The following SNX7 variants were observed in gnomAD, a reference collection of about 807,000 sequenced individuals.
SNX7 encodes the protein sorting nexin-7.
A neutral mutation model predicts 48.4 loss-of-function variants in SNX7; 35 were observed. The observed-to-expected ratio is 0.72, with a 90% CI of 0.55 to 0.96. The LOEUF (loss-of-function observed/expected upper bound fraction) is 0.96. Among genes scored for constraint, SNX7 ranks in the 40% least tolerant of loss-of-function variants. The probability of loss-of-function intolerance (pLI) is 0.00; values close to 1 mark genes in which losing one functional copy is unlikely to be tolerated. For synonymous variants in SNX7, 190 were observed against 190.2 expected (o/e 1.00, Z 0.01); for missense variants, 553 against 548.9 (o/e 1.01, Z -0.07).
intron 8 of SNX7, among the ~76,000 whole-genome samples, chr1:98,755,920 G>A: frequency 6.6e-6 from 1 of 151,978 alleles, no homozygotes; most frequent in East Asian, 1.9e-4. Context: ...AGACATTTGA[G>A]TAGGATTATT....
In SNX7 at chr1:98,759,412, T is replaced by C. The variant is rs76002867; in HGVS notation, c.1279-642T>C. Among the ~76,000 whole-genome samples the C allele has an allele frequency of 4.8e-3, 730 of 152,144 alleles. 41 individuals are homozygous for C. The East Asian group carries it at 0.12, about 25-fold the overall frequency. On this transcript the variant is annotated intron_variant, in intron 8 of 8. Transcript: ENST00000306121. ...AAATCAAATAGGCCACATTTATGTT[T>C]ATGTGTTCCCAGCGCCTTCAGACCC... is the stretch of plus-strand genomic sequence containing the variant.
At chr1:98,679,803 T>C (rs1271680020) in intron 1 of SNX7, among the ~76,000 whole-genome samples, 1 of 152,188 alleles carries the variant, frequency 6.6e-6, no homozygotes, top group African/African-American at 2.4e-5. Flanking sequence ...GCTCTGCCCC[T>C]GTGGCTTTGC....
intron 2 of SNX7, among the ~76,000 whole-genome samples, chr1:98,690,740 C>T (rs1184945326): frequency 6.6e-6 from 1 of 152,066 alleles, no homozygotes; most frequent in African/African-American, 2.4e-5. Context: ...TCAGAACACA[C>T]TTGCTTGTTA....
At chr1:98,735,426 C>T (rs1653724129) in intron 7 of SNX7, among the ~76,000 whole-genome samples, 1 of 151,994 alleles carries the variant, frequency 6.6e-6, no homozygotes, top group East Asian at 1.9e-4. Flanking sequence ...AAGAAGAAAA[C>T]TCTGATATAG....
chr1:98,719,961 A>G (rs115250324), intron 7 of SNX7, among the ~76,000 whole-genome samples: 1,585 of 150,818 alleles, frequency 0.011, 10 homozygotes, highest in Middle Eastern at 0.031. Context: ...ATATTTTAAT[A>G]ACTGTCCCAG....
chr1:98,704,081 A>G (rs1204814088), intron 7 of SNX7, among the ~76,000 whole-genome samples: 2 of 152,154 alleles, frequency 1.3e-5, no homozygotes, highest in African/African-American at 2.4e-5. Context: ...TTAAAAAAAA[A>G]AAACACATTA....
intron 7 of SNX7, among the ~76,000 whole-genome samples, chr1:98,736,234 G>T (rs1439439959): frequency 6.6e-6 from 1 of 152,170 alleles, no homozygotes; most frequent in Non-Finnish European, 1.5e-5. Context: ...AATTTAAACT[G>T]CAAAGCCTAA....
intron 8 of SNX7, among the ~76,000 whole-genome samples, chr1:98,755,876 C>T (rs894040516): frequency 6.6e-6 from 1 of 151,872 alleles, no homozygotes. Context: ...ATTCAGTTGG[C>T]AATCTGCATC....
At chr1:98,736,149 T>C (rs1183117691) in intron 7 of SNX7, among the ~76,000 whole-genome samples, 1 of 152,200 alleles carries the variant, frequency 6.6e-6, no homozygotes, top group Non-Finnish European at 1.5e-5. Context: ...ATAGACTATG[T>C]GATTTAGACA....
chr1:98,669,388 C>T (rs1194670911), intron 1 of SNX7, among the ~76,000 whole-genome samples: 2 of 152,130 alleles, frequency 1.3e-5, no homozygotes, highest in African/African-American at 2.4e-5. Flanking sequence ...ATATTCTGCC[C>T]CCATTCTATG....
At chr1:98,717,759 T>C (rs867424278) in intron 7 of SNX7, among the ~76,000 whole-genome samples, 2 of 152,080 alleles carry the variant, frequency 1.3e-5, no homozygotes, top group Admixed American at 6.6e-5. Flanking sequence ...GTTTCTTTCC[T>C]TAATGTATGT....
intron 2 of SNX7, among the ~76,000 whole-genome samples, chr1:98,688,244 TTTAGGAATAC>T (rs1408104879): frequency 6.6e-6 from 1 of 152,160 alleles, no homozygotes; most frequent in South Asian, 2.1e-4. Flanking sequence ...CAATCACCTA[TTTAGGAATAC>T]TTAAGAATGA....
chr1:98,722,038 T>C (rs539977843), intron 7 of SNX7, among the ~76,000 whole-genome samples: 6 of 152,094 alleles, frequency 3.9e-5, no homozygotes, highest in Non-Finnish European at 7.4e-5. Flanking sequence ...CTTTAAATAA[T>C]TGGTTTTCTG....
rs747159987 is a variant in SNX7, at chr1:98,760,043, C to G, written c.1279-11C>G. 1.9e-6 allele frequency: 3 copies of G among 1,558,084 alleles called. No individual in the cohort carries two copies. The highest frequency in any genetic ancestry group is 2.2e-5 in the East Asian group (1 of 44,608). On this transcript the variant is annotated splice_polypyrimidine_tract_variant and intron_variant, in intron 8 of 8. Transcript: ENST00000306121. ...TTGTTGATTGCCTCATGGTGTGTTT[C>G]CATTATTCAGTGCCTTGCTACGTGG...
Position 98,691,937 on chromosome 1 carries a change from A to T in SNX7, c.639+238A>T, listed in dbSNP as rs138070446. Among the ~76,000 whole-genome samples, 203 of 131,172 alleles carry T rather than the reference A, an allele frequency of 1.5e-3. 1 individual carries two copies. The highest frequency in any genetic ancestry group is 8.1e-3 in the Middle Eastern group (2 of 248). 86.1% of individuals were successfully genotyped at this position (131,172 alleles called of 152,430 possible). ...TATACACACACACACACACACACAC[A>T]CTCTCTCTCTCTCTCTCTCTCTCTC... On this transcript the variant is annotated intron_variant, in intron 4 of 8. Transcript: ENST00000306121.
At chr1:98,662,822 G>T (rs1649321629) in intron 1 of SNX7, 1 of 1,289,208 alleles carries the variant, frequency 7.8e-7, no homozygotes, top group African/African-American at 1.5e-5. Context: ...ATTAGGTAAA[G>T]CAAACGACCT....
At chr1:98,698,555 T>C in intron 5 of SNX7, 151 bp from the exon 6 acceptor site, 1 of 697,266 alleles carries the variant, frequency 1.4e-6, no homozygotes, top group Non-Finnish European at 2.3e-6. Context: ...GGCTGGTTGA[T>C]TTAATGAAGG....
intron 8 of SNX7, among the ~76,000 whole-genome samples, chr1:98,745,794 CT>C: frequency 6.6e-6 from 1 of 152,170 alleles, no homozygotes; most frequent in East Asian, 1.9e-4. Context: ...ATCATTGCTA[CT>C]TTTCTGTGGA....
chr1:98,695,271 C>T (rs12138303), intron 4 of SNX7, among the ~76,000 whole-genome samples: 30,890 of 151,960 alleles, frequency 0.2, 3,974 homozygotes, highest in Non-Finnish European at 0.29. Flanking sequence ...TAAAGATTTA[C>T]GGTCTGAGGA....
Sources: gnomAD v4.1 joint callset for allele counts (sites outside exome capture counted in the v4.1 genomes callset) on GRCh38, gnomAD v4.1.1 for gene constraint, MANE v1.5 for transcripts, NCBI Gene and HGNC (gene_info 2026-07-23, HGNC 2026-07-21) for gene names.